NR6A1: variants seen among roughly 807,000 people sequenced by gnomAD.
The protein encoded by NR6A1 is retinoic acid receptor-related testis-associated receptor.
Under a neutral mutation model 59.1 loss-of-function variants are expected in NR6A1, and 7 were observed. That is an observed-to-expected ratio of 0.12 (90% confidence interval 0.07 to 0.22). The LOEUF is 0.22. Ranked by LOEUF, NR6A1 falls within the 10% of genes least tolerant of loss-of-function variation. The pLI is 1.00. For missense variants in NR6A1, 468 were observed against 611.6 expected (o/e 0.77, Z 2.48); for synonymous variants, 243 against 236.1 (o/e 1.03, Z -0.27).
intron 7 of NR6A1, among the ~76,000 whole-genome samples, chr9:124,528,266 T>C (rs1832996622): frequency 6.6e-6 from 1 of 152,180 alleles, no homozygotes; most frequent in Admixed American, 6.5e-5. Flanking sequence ...CCTGCCCTTT[T>C]TAAGTACCAA....
chr9:124,616,848 G>C (rs1391863289), intron 2 of NR6A1, among the ~76,000 whole-genome samples: 4 of 152,128 alleles, frequency 2.6e-5, no homozygotes, highest in African/African-American at 9.7e-5. Context: ...TATTTCAGTG[G>C]TGAAGTTTTG....
intron 3 of NR6A1, among the ~76,000 whole-genome samples, chr9:124,548,612 T>C (rs921594382): frequency 3.9e-5 from 6 of 152,218 alleles, no homozygotes; most frequent in African/African-American, 1.4e-4. Flanking sequence ...CTCCTTGAGA[T>C]TTCTCAGTGC....
chr9:124,593,975 G>C (rs1469329714), intron 2 of NR6A1, among the ~76,000 whole-genome samples: 1 of 152,194 alleles, frequency 6.6e-6, no homozygotes, highest in Non-Finnish European at 1.5e-5. Flanking sequence ...CACAGTGAAA[G>C]CTTGAATAGA....
intron 2 of NR6A1, among the ~76,000 whole-genome samples, chr9:124,647,104 A>G (rs887496379): frequency 6.6e-5 from 10 of 152,124 alleles, no homozygotes; most frequent in Non-Finnish European, 1.5e-4. Context: ...TGTAGAGACA[A>G]GGTCTCACTA....
At chr9:124,586,264 C>T (rs1834930276) in intron 2 of NR6A1, among the ~76,000 whole-genome samples, 1 of 152,068 alleles carries the variant, frequency 6.6e-6, no homozygotes, top group African/African-American at 2.4e-5. Context: ...ACATTTATGA[C>T]CTCATAGGAG....
intron 2 of NR6A1, among the ~76,000 whole-genome samples, chr9:124,619,434 T>C (rs534686132): frequency 6.6e-6 from 1 of 152,172 alleles, no homozygotes; most frequent in South Asian, 2.1e-4. Flanking sequence ...TGACTAATTT[T>C]TGTATCTCTG....
intron 2 of NR6A1, among the ~76,000 whole-genome samples, chr9:124,587,913 G>A (rs959785558): frequency 6.6e-6 from 1 of 152,128 alleles, no homozygotes; most frequent in Non-Finnish European, 1.5e-5. Context: ...TGTAGCCTAG[G>A]TTGGAGTGCA....
chr9:124,607,837 G>A (rs2130835058), intron 2 of NR6A1, among the ~76,000 whole-genome samples: 1 of 152,208 alleles, frequency 6.6e-6, no homozygotes, highest in East Asian at 1.9e-4. Flanking sequence ...TTGAGGCCAG[G>A]AGTTCAAGAC....
intron 2 of NR6A1, among the ~76,000 whole-genome samples, chr9:124,600,912 C>T (rs1835426449): frequency 6.7e-6 from 1 of 149,116 alleles, no homozygotes; most frequent in African/African-American, 2.5e-5. Context: ...TTTTGTAATG[C>T]CAATGCTATG....
intron 2 of NR6A1, among the ~76,000 whole-genome samples, chr9:124,647,195 G>A (rs543473379): frequency 6.6e-6 from 1 of 152,234 alleles, no homozygotes; most frequent in South Asian, 2.1e-4. Flanking sequence ...GAGATTACAG[G>A]CATGAGCCAC....
chr9:124,625,682 C>T (rs2130869110), intron 2 of NR6A1, among the ~76,000 whole-genome samples: 1 of 152,100 alleles, frequency 6.6e-6, no homozygotes, highest in East Asian at 1.9e-4. Context: ...CACAGGGTGC[C>T]CAGACTGTTT....
intron 2 of NR6A1, among the ~76,000 whole-genome samples, chr9:124,719,608 G>T (rs934384710): frequency 1.3e-5 from 2 of 152,094 alleles, no homozygotes; most frequent in African/African-American, 4.8e-5. Flanking sequence ...GAAAACCTAA[G>T]AGTATACGCT....
In NR6A1 at chr9:124,624,882, T is replaced by G. The variant is rs561300709; in HGVS notation, c.143-70312A>C. Among the ~76,000 whole-genome samples, 4 of 151,792 alleles carry G rather than the reference T, an allele frequency of 2.6e-5. 1 individual carries two copies. The East Asian group carries it at 5.8e-4, about 22-fold the overall frequency. On this transcript the variant is annotated intron_variant, in intron 2 of 9. Transcript: ENST00000487099. ...ATCCATTTGTCCTGCTCTAATTACT[T>G]TTTGACATTACTTTTTCTGTTGCTA... is the stretch of plus-strand genomic sequence containing the variant.
At chr9:124,569,011 G>C (rs1186772086) in intron 2 of NR6A1, among the ~76,000 whole-genome samples, 4 of 151,764 alleles carry the variant, frequency 2.6e-5, no homozygotes, top group African/African-American at 9.7e-5. Flanking sequence ...TACTCAGGAG[G>C]CTGAGGCAGG....
At chr9:124,681,001 A>C (rs936144261) in intron 2 of NR6A1, among the ~76,000 whole-genome samples, 3 of 152,210 alleles carry the variant, frequency 2.0e-5, no homozygotes, top group Admixed American at 6.5e-5. Context: ...AAGCCATTTT[A>C]ACTTAATAAT....
At chr9:124,738,254 A>G (rs1840069636) in intron 1 of NR6A1, among the ~76,000 whole-genome samples, 1 of 152,154 alleles carries the variant, frequency 6.6e-6, no homozygotes, top group East Asian at 1.9e-4. Context: ...ACTCTGTCTC[A>G]AAACAAAACA....
chr9:124,579,839 C>T (rs565419507), intron 2 of NR6A1, among the ~76,000 whole-genome samples: 14 of 152,004 alleles, frequency 9.2e-5, no homozygotes, highest in Middle Eastern at 3.4e-3. Flanking sequence ...GGTGAAATGC[C>T]GCCTCTACTG....
chr9:124,714,533 G>A (rs1839362042), intron 2 of NR6A1, among the ~76,000 whole-genome samples: 1 of 152,050 alleles, frequency 6.6e-6, no homozygotes, highest in Non-Finnish European at 1.5e-5. Flanking sequence ...ATCTATCATT[G>A]TACTGGAAAT....
At position 124,636,660 on chromosome 9, in the gene NR6A1, G is replaced by A. The variant is rs536126952; in HGVS notation, c.143-82090C>T. On this transcript the variant is annotated intron_variant, in intron 2 of 9. Coordinates refer to ENST00000487099, the MANE Select transcript of NR6A1 (RefSeq NM_033334.4). ...ATGTCTAGTTGTTCCAGCACCACCT[G>A]TTGAAAGAAAAGACTGTTTCCTGCA... Among the ~76,000 whole-genome samples the A allele has an allele frequency of 7.2e-5, 11 of 152,260 alleles. 1 individual carries two copies. Among genetic ancestry groups the A allele is most frequent in the African/African-American group, 2.6e-4 (11 of 41,554 alleles).
Sources: gnomAD v4.1 joint callset for allele counts (sites outside exome capture counted in the v4.1 genomes callset) on GRCh38, gnomAD v4.1.1 for gene constraint, MANE v1.5 for transcripts, NCBI Gene and HGNC (gene_info 2026-07-23, HGNC 2026-07-21) for gene names.